Variants in ATF3 observed in about 807,000 individuals in gnomAD.
ATF3 encodes activating transcription factor 3.
In ATF3, 10 loss-of-function variants were observed where a neutral mutation model predicts 18.4. The ratio of observed to expected loss-of-function variants is 0.54; its 90% confidence interval spans 0.34 to 0.92. The LOEUF is 0.92. ATF3 is among the 40% of genes least tolerant of loss of function. The pLI, the probability that ATF3 is intolerant of heterozygous loss-of-function variation, is 0.02. For synonymous variants in ATF3, 78 were observed against 87.9 expected (o/e 0.89, Z 0.63); for missense variants, 183 against 222.3 (o/e 0.82, Z 1.12).
At chr1:212,604,073 T>A (rs913267099), upstream of ATF3, among the ~76,000 whole-genome samples, 1 of 152,210 alleles carries the variant, frequency 6.6e-6, no homozygotes, top group Non-Finnish European at 1.5e-5. Context: ...AGTAAAACTT[T>A]CCCCAAAGAA....
intron 1 of ATF3, among the ~76,000 whole-genome samples, chr1:212,582,983 C>A (rs1463952388): frequency 6.6e-6 from 1 of 152,038 alleles, no homozygotes; most frequent in African/African-American, 2.4e-5. Context: ...AGGCTGACCC[C>A]TATTTCCATG....
chr1:212,576,938 G>A (rs1406924643), intron 1 of ATF3, among the ~76,000 whole-genome samples: 1 of 150,750 alleles, frequency 6.6e-6, no homozygotes, highest in Admixed American at 6.6e-5. Context: ...TCACCACGTT[G>A]GCCAGGATGG....
Position 212,618,278 on chromosome 1 carries a change from C to G in ATF3, c.348+44C>G. On this transcript the variant is annotated intron_variant, in intron 3 of 3. Transcript: ENST00000341491. This position sits in a 1 kb window ranked among gnomAD's most constrained non-coding sequence, Gnocchi z 4.4. ...TACCCTTCCTCTCGCTCACGCCTGTCTTCACCAGCTTCATGTGGCTATCAG... is the reference window on the plus strand; with the variant it reads ...TACCCTTCCTCTCGCTCACGCCTGTGTTCACCAGCTTCATGTGGCTATCAG... 6.4e-7 allele frequency: 1 copy of G among 1,570,466 alleles called. No homozygotes were observed. The highest frequency in any genetic ancestry group is 8.8e-7 in the Non-Finnish European group (1 of 1,140,454).
intron 1 of ATF3, among the ~76,000 whole-genome samples, chr1:212,568,678 A>G (rs1450373668): frequency 6.6e-6 from 1 of 152,198 alleles, no homozygotes; most frequent in East Asian, 1.9e-4. Flanking sequence ...AAGCAAATTT[A>G]GTGTGTCCTC....
intron 1 of ATF3, among the ~76,000 whole-genome samples, chr1:212,596,134 T>A (rs1020976023): frequency 6.6e-6 from 1 of 152,192 alleles, no homozygotes; most frequent in Non-Finnish European, 1.5e-5. Context: ...TAAACACAAG[T>A]GAAGTGAAAT....
At chr1:212,609,671 C>T (rs1654812000) in intron 1 of ATF3, among the ~76,000 whole-genome samples, 1 of 152,356 alleles carries the variant, frequency 6.6e-6, no homozygotes, top group African/African-American at 2.4e-5. Flanking sequence ...GCCCGGGACT[C>T]CCACACACCT....
At chr1:212,573,536 T>C (rs1664520338) in intron 1 of ATF3, among the ~76,000 whole-genome samples, 1 of 152,088 alleles carries the variant, frequency 6.6e-6, no homozygotes, top group Non-Finnish European at 1.5e-5. Context: ...TTTATTATCT[T>C]CTTTTTTTGA....
intron 1 of ATF3, among the ~76,000 whole-genome samples, chr1:212,591,893 C>T (rs1664893564): frequency 6.6e-6 from 1 of 152,070 alleles, no homozygotes; most frequent in African/African-American, 2.4e-5. Flanking sequence ...GGAGCGATCT[C>T]GGATCACTGC....
chr1:212,582,649 T>C (rs1664705521), intron 1 of ATF3, among the ~76,000 whole-genome samples: 1 of 152,130 alleles, frequency 6.6e-6, no homozygotes, highest in Non-Finnish European at 1.5e-5. Context: ...AACATGCCTG[T>C]GCGTTTTTTT....
chr1:212,606,732 A>T (rs1654633608), upstream of ATF3, among the ~76,000 whole-genome samples: 2 of 152,264 alleles, frequency 1.3e-5, no homozygotes, highest in Non-Finnish European at 2.9e-5. Context: ...ATTCCAGAAC[A>T]ATCTATAAGT....
rs747016690 is a variant in ATF3 at position 212,619,138 on chromosome 1, G to A, written c.349-220G>A. 6.2e-7 allele frequency: 1 copy of A among 1,613,992 alleles called. No homozygotes were observed. Among genetic ancestry groups the A allele is most frequent in the South Asian group, 1.1e-5 (1 of 91,082 alleles). On this transcript the variant is annotated intron_variant, in intron 3 of 3. Coordinates refer to ENST00000341491, the MANE Select transcript of ATF3 (RefSeq NM_001674.4). The surrounding 1 kb of genome is among the most constrained non-coding windows in gnomAD (Gnocchi z 4.4). ...GAACTGCAGCTTCAGTATTAGCAGA[G>A]CCACAGGCCGCCTCTGTGGCATCAC...
chr1:212,568,636 T>C (rs1664425453), intron 1 of ATF3, among the ~76,000 whole-genome samples: 1 of 152,172 alleles, frequency 6.6e-6, no homozygotes, highest in Non-Finnish European at 1.5e-5. Context: ...GGATCTGTGG[T>C]CCCATCCCAA....
chr1:212,568,176 CATT>C (rs1664416941), intron 1 of ATF3, among the ~76,000 whole-genome samples: 1 of 152,120 alleles, frequency 6.6e-6, no homozygotes, highest in Non-Finnish European at 1.5e-5. Flanking sequence ...AGCAAGGTGT[CATT>C]CACATGGAGA....
intron 1 of ATF3, among the ~76,000 whole-genome samples, 200 bp downstream of exon 1, chr1:212,609,130 G>A (rs1014491513): frequency 6.6e-6 from 1 of 152,258 alleles, no homozygotes; most frequent in Non-Finnish European, 1.5e-5. Flanking sequence ...TTCCCGCAAA[G>A]CGAAAGAACT....
chr1:212,615,359 G>A, intron 2 of ATF3, 98 bp downstream of exon 2: 1 of 1,454,196 alleles, frequency 6.9e-7, no homozygotes, highest in Admixed American at 2.0e-5. Context: ...TGTTGAGAGT[G>A]AAACAAACAA....
intron 1 of ATF3, among the ~76,000 whole-genome samples, chr1:212,603,382 A>AT (rs1654537336): frequency 6.6e-6 from 1 of 152,178 alleles, no homozygotes; most frequent in Admixed American, 6.5e-5. Context: ...CGCCTGCAGG[A>AT]TTTTTTGTTT....
chr1:212,609,221 C>A (rs958866386), intron 1 of ATF3, among the ~76,000 whole-genome samples: 1 of 152,266 alleles, frequency 6.6e-6, no homozygotes, highest in Non-Finnish European at 1.5e-5. Context: ...CCTCGAGCGC[C>A]GCTTCTCTCC....
At chr1:212,574,505 T>C (rs1397696481) in intron 1 of ATF3, among the ~76,000 whole-genome samples, 2 of 152,106 alleles carry the variant, frequency 1.3e-5, no homozygotes, top group African/African-American at 4.8e-5. Flanking sequence ...TGTTGTCTTT[T>C]TTAACACATA....
At chr1:212,575,531 T>C (rs1571757634) in intron 1 of ATF3, among the ~76,000 whole-genome samples, 2 of 152,132 alleles carry the variant, frequency 1.3e-5, no homozygotes, top group East Asian at 3.8e-4. Context: ...ATTACATCAG[T>C]TAAGAACTTC....
Sources: gnomAD v4.1 joint callset for allele counts (sites outside exome capture counted in the v4.1 genomes callset) on GRCh38, gnomAD v4.1.1 for gene constraint, Gnocchi (gnomAD v3.1) non-coding constraint, MANE v1.5 for transcripts, NCBI Gene and HGNC (gene_info 2026-07-23, HGNC 2026-07-21) for gene names.